Variants in SAMD5 observed in about 807,000 individuals in gnomAD.
SAMD5 encodes the protein sterile alpha motif domain containing 5, also known as sterile alpha motif domain-containing protein 5.
Under a neutral mutation model 11.3 loss-of-function variants are expected in SAMD5, and 13 were observed. The observed-to-expected ratio is 1.15, with a 90% CI of 0.75 to 1.83. The LOEUF is 1.83. Among genes scored for constraint, SAMD5 ranks in the 40% most tolerant of loss-of-function variants. SAMD5 has a pLI of 0.00. For missense variants in SAMD5, 255 were observed against 239.1 expected, an observed-to-expected ratio of 1.07 and a Z score of -0.44; for synonymous variants, 129 against 111.3, an observed-to-expected ratio of 1.16 and a Z score of -1.00.
At chr6:147,614,190 C>T (rs928722201) in intron 1 of SAMD5, among the ~76,000 whole-genome samples, 1 of 151,830 alleles carries the variant, frequency 6.6e-6, no homozygotes, top group African/African-American at 2.4e-5. Context: ...GCTGATAGGC[C>T]GGGCATGGTG....
In SAMD5 at chr6:147,568,431, G is replaced by A; in HGVS notation, c.*3975G>A. ...GATTCTTACAAGTAATATTTGATTAGGTATCAAAATAGGTTTAGGCAGGTG... is the reference window on the plus strand; with the variant it reads ...GATTCTTACAAGTAATATTTGATTAAGTATCAAAATAGGTTTAGGCAGGTG... On this transcript the variant is annotated 3_prime_UTR_variant, in exon 2 of 2. Transcript: ENST00000367474. 2 of 984,306 alleles carry A rather than the reference G, an allele frequency of 2.0e-6. No homozygotes were observed. The highest frequency in any genetic ancestry group is 2.4e-6 in the Non-Finnish European group (2 of 828,992). 61.0% of individuals were successfully genotyped at this position (984,306 alleles called of 1,614,324 possible).
chr6:147,841,408 T>C, the SAMD5 span, among the ~76,000 whole-genome samples: 1 of 152,140 alleles, frequency 6.6e-6, no homozygotes, highest in Admixed American at 6.6e-5. Context: ...GTTGTTTTAT[T>C]TGGGATTCAA....
At chr6:147,527,579 CT>C (rs1265621893) in intron 1 of SAMD5, among the ~76,000 whole-genome samples, 1 of 152,056 alleles carries the variant, frequency 6.6e-6, no homozygotes, top group Admixed American at 6.5e-5. Context: ...CATTTGGCCC[CT>C]GACCCCTCCC....
chr6:147,710,008 C>G (rs1362342637), intron 1 of SAMD5, among the ~76,000 whole-genome samples: 1 of 152,204 alleles, frequency 6.6e-6, no homozygotes, highest in Non-Finnish European at 1.5e-5. Context: ...GCTTTACGAT[C>G]AGGCCTCTGT....
chr6:147,670,865 T>G, intron 1 of SAMD5, among the ~76,000 whole-genome samples: 1 of 152,264 alleles, frequency 6.6e-6, no homozygotes, highest in East Asian at 1.9e-4. Flanking sequence ...CACTTTACAT[T>G]TCCTTTAAAA....
At chr6:147,680,535 C>T (rs954934225) in intron 1 of SAMD5, among the ~76,000 whole-genome samples, 1 of 152,034 alleles carries the variant, frequency 6.6e-6, no homozygotes, top group African/African-American at 2.4e-5. Flanking sequence ...CTGGTTAGAA[C>T]CTCCATTACT....
chr6:147,922,837 A>C, the SAMD5 span, among the ~76,000 whole-genome samples: 1 of 152,312 alleles, frequency 6.6e-6, no homozygotes, highest in East Asian at 1.9e-4. Context: ...AGTGTGAAGG[A>C]GTGTGTAATA....
chr6:147,838,679 A>G, the SAMD5 span, among the ~76,000 whole-genome samples: 2 of 152,146 alleles, frequency 1.3e-5, no homozygotes, highest in Non-Finnish European at 2.9e-5. Context: ...GATTTGTGCT[A>G]ATATCTGAGT....
chr6:147,871,122 G>A, the SAMD5 span, among the ~76,000 whole-genome samples: 1 of 152,270 alleles, frequency 6.6e-6, no homozygotes, highest in South Asian at 2.1e-4. Context: ...ACACTCTGGA[G>A]TGTTCTCCCT....
intron 1 of SAMD5, among the ~76,000 whole-genome samples, chr6:147,701,196 T>A (rs1791248328): frequency 6.6e-6 from 1 of 152,130 alleles, no homozygotes; most frequent in African/African-American, 2.4e-5. Flanking sequence ...AAGGGTAAGA[T>A]TAAAGAAAAG....
the SAMD5 span, among the ~76,000 whole-genome samples, chr6:147,838,601 C>T: frequency 5.7e-5 from 8 of 140,566 alleles, no homozygotes; most frequent in Admixed American, 2.2e-4. Flanking sequence ...CTTTTTGTTC[C>T]TTGATGCAAT....
chr6:147,872,717 A>C, the SAMD5 span, among the ~76,000 whole-genome samples: 662 of 152,266 alleles, frequency 4.3e-3, 6 homozygotes, highest in African/African-American at 0.015. Context: ...TGGAACAGAC[A>C]TGAGGAAAAT....
intron 1 of SAMD5, among the ~76,000 whole-genome samples, chr6:147,533,101 A>G (rs938045030): frequency 6.6e-6 from 1 of 152,142 alleles, no homozygotes; most frequent in African/African-American, 2.4e-5. Flanking sequence ...TGGCGGTGCC[A>G]GCAGAGGCCA....
chr6:147,659,884 C>T (rs1044393479), intron 1 of SAMD5, among the ~76,000 whole-genome samples: 2 of 152,150 alleles, frequency 1.3e-5, no homozygotes, highest in Non-Finnish European at 2.9e-5. Context: ...GGTCACCGCC[C>T]TGTTGTGCCT....
the SAMD5 span, among the ~76,000 whole-genome samples, chr6:147,893,360 C>A: frequency 6.6e-6 from 1 of 152,014 alleles, no homozygotes; most frequent in African/African-American, 2.4e-5. Context: ...AAGTTATGGA[C>A]CCAGAATTTG....
chr6:147,906,958 A>G, the SAMD5 span, among the ~76,000 whole-genome samples: 173 of 152,258 alleles, frequency 1.1e-3, 1 homozygote, highest in African/African-American at 3.7e-3. Context: ...TTTTCTTGTA[A>G]TAGCCAGTGC....
chr6:147,786,913 C>A, the SAMD5 span, among the ~76,000 whole-genome samples: 23 of 152,270 alleles, frequency 1.5e-4, no homozygotes, highest in Non-Finnish European at 2.9e-4. Flanking sequence ...ACATTGACTT[C>A]TTAGAATTTT....
the SAMD5 span, among the ~76,000 whole-genome samples, chr6:147,945,192 C>T: frequency 6.6e-6 from 1 of 152,150 alleles, no homozygotes; most frequent in African/African-American, 2.4e-5. Flanking sequence ...ACTATTTCAT[C>T]CTCGTGATCC....
chr6:147,706,014 A>G (rs3915073), intron 1 of SAMD5, among the ~76,000 whole-genome samples: 37 of 152,230 alleles, frequency 2.4e-4, no homozygotes, highest in African/African-American at 8.4e-4. Flanking sequence ...TTATTTTTTA[A>G]CAATCCATAA....
Sources: allele counts gnomAD v4.1 joint callset (sites outside exome capture counted in the v4.1 genomes callset), GRCh38; gene constraint gnomAD v4.1.1; transcripts MANE v1.5; gene names NCBI Gene and HGNC (gene_info 2026-07-23, HGNC 2026-07-21).